Variants in GNA12 observed in about 807,000 individuals in gnomAD.
GNA12 encodes G protein subunit alpha 12.
In GNA12, 9 loss-of-function variants were observed where a neutral mutation model predicts 26.0. That is an observed-to-expected ratio of 0.35 (90% confidence interval 0.21 to 0.60). The LOEUF is 0.60. GNA12 is among the 20% of genes least tolerant of loss of function. GNA12 has a pLI of 0.78. For missense variants in GNA12, 405 were observed against 525.8 expected (o/e 0.77, Z 2.25); for synonymous variants, 264 against 219.6 (o/e 1.20, Z -1.79).
At chr7:2,737,392 A>C (rs1220884883) in intron 2 of GNA12, among the ~76,000 whole-genome samples, 1 of 145,892 alleles carries the variant, frequency 6.9e-6, no homozygotes. Context: ...GGGTTCAAGC[A>C]ATTCTCCTGC....
At chr7:2,750,148 G>C (rs534951982) in intron 2 of GNA12, among the ~76,000 whole-genome samples, 1 of 152,252 alleles carries the variant, frequency 6.6e-6, no homozygotes, top group Non-Finnish European at 1.5e-5. Context: ...AGACTCTCCG[G>C]TCTGACATGT....
At chr7:2,761,319 T>C (rs1791543644) in intron 2 of GNA12, among the ~76,000 whole-genome samples, 2 of 152,204 alleles carry the variant, frequency 1.3e-5, no homozygotes, top group Non-Finnish European at 2.9e-5. Context: ...CACAGAGCCG[T>C]CTGCTGGCTA....
chr7:2,814,680 A>C (rs1339579265), intron 1 of GNA12, among the ~76,000 whole-genome samples: 2 of 142,604 alleles, frequency 1.4e-5, no homozygotes, highest in African/African-American at 5.3e-5. Context: ...AGCTGGAAGG[A>C]GCTCTAAAAG....
chr7:2,829,736 G>A (rs886331322), intron 1 of GNA12, among the ~76,000 whole-genome samples: 7 of 152,036 alleles, frequency 4.6e-5, no homozygotes, highest in Non-Finnish European at 8.8e-5. Flanking sequence ...CTTTAGGGAC[G>A]GTGTTTCGGA....
chr7:2,809,980 G>A (rs1192222593), intron 1 of GNA12, among the ~76,000 whole-genome samples: 1 of 152,114 alleles, frequency 6.6e-6, no homozygotes, highest in East Asian at 1.9e-4. Flanking sequence ...TCTGAATTCG[G>A]AACAGTCTTC....
chr7:2,740,860 TG>T (rs764169537), intron 2 of GNA12, among the ~76,000 whole-genome samples: 47 of 152,278 alleles, frequency 3.1e-4, no homozygotes, highest in Middle Eastern at 3.4e-3. Context: ...CTGACTAGCA[TG>T]GTGAAACCCT....
Position 2,790,848 on chromosome 7 carries a change from C to G in GNA12, c.525+4080G>C, listed in dbSNP as rs547874558. On this transcript the variant is annotated intron_variant, in intron 2 of 3. Coordinates refer to ENST00000275364, the MANE Select transcript of GNA12 (RefSeq NM_007353.3). Reference sequence around the variant, plus strand: ...AATTAGCCAGGTGTGGTGGCACATGCCTGTGATCCCAACTACTCAGTAGGC... The same window carrying G: ...AATTAGCCAGGTGTGGTGGCACATGGCTGTGATCCCAACTACTCAGTAGGC... Among the ~76,000 whole-genome samples the G allele has an allele frequency of 5.1e-4, 77 of 152,186 alleles. 1 individual carries two copies. The highest frequency in any genetic ancestry group is 1.8e-3 in the African/African-American group (74 of 41,542).
chr7:2,773,832 A>T (rs970372756), intron 2 of GNA12, among the ~76,000 whole-genome samples: 13 of 152,170 alleles, frequency 8.5e-5, no homozygotes, highest in African/African-American at 3.1e-4. Flanking sequence ...CTACAGTAAC[A>T]TTTTTGTAAT....
intron 1 of GNA12, among the ~76,000 whole-genome samples, chr7:2,831,693 G>A (rs552885101): frequency 6.6e-6 from 1 of 152,038 alleles, no homozygotes; most frequent in East Asian, 1.9e-4. Flanking sequence ...ATGAACCACC[G>A]CGCCCCGCCT....
At position 2,733,478 on chromosome 7, in the gene GNA12, C is replaced by G; in HGVS notation, c.549G>C (p.Leu183=). ...GCTGGCCGATCCGGTCCAAGTTGTC[C>G]AGGAAGTACTTCACCGACTCCCCCT... The part of the protein sequence containing the change: ...FQLGESVKYF[L]DNLDRIGQLN... Residue 183 remains leucine (L), a synonymous_variant, in exon 3 of 4, where the codon CTG becomes CTC. Coordinates refer to ENST00000275364, the MANE Select transcript of GNA12 (RefSeq NM_007353.3). 1 of 1,613,896 alleles carries G rather than the reference C, an allele frequency of 6.2e-7. No homozygotes were observed.
chr7:2,757,989 A>T (rs142232713), intron 2 of GNA12, among the ~76,000 whole-genome samples: 3 of 152,206 alleles, frequency 2.0e-5, no homozygotes, highest in African/African-American at 7.2e-5. Flanking sequence ...CTGCCTGGTT[A>T]ACACAGAACA....
intron 1 of GNA12, among the ~76,000 whole-genome samples, chr7:2,825,781 C>A (rs1793471384): frequency 6.6e-6 from 1 of 152,106 alleles, no homozygotes; most frequent in South Asian, 2.1e-4. Flanking sequence ...TGTGGTGGGG[C>A]CGCAGACACA....
chr7:2,732,280 G>A (rs370975384), intron 3 of GNA12, among the ~76,000 whole-genome samples: 19 of 152,082 alleles, frequency 1.2e-4, no homozygotes, highest in Admixed American at 2.0e-4. Context: ...GGCCAGGCAC[G>A]GTGGCTCACA....
intron 2 of GNA12, among the ~76,000 whole-genome samples, chr7:2,767,318 A>G (rs1791832546): frequency 6.6e-6 from 1 of 152,158 alleles, no homozygotes; most frequent in South Asian, 2.1e-4. Flanking sequence ...TGCTAAATCC[A>G]GTATCTTGAA....
intron 2 of GNA12, among the ~76,000 whole-genome samples, chr7:2,772,079 G>C (rs886184135): frequency 6.6e-6 from 1 of 152,168 alleles, no homozygotes; most frequent in Non-Finnish European, 1.5e-5. Flanking sequence ...TCTCTTCTTT[G>C]TTCAAATCTT....
chr7:2,821,535 G>C (rs763186155), intron 1 of GNA12, among the ~76,000 whole-genome samples: 1 of 152,198 alleles, frequency 6.6e-6, no homozygotes, highest in Non-Finnish European at 1.5e-5. Context: ...ATAAGGAAGC[G>C]AGGCTTGCAA....
chr7:2,779,253 C>T (rs555067940), intron 2 of GNA12, among the ~76,000 whole-genome samples: 2 of 152,168 alleles, frequency 1.3e-5, no homozygotes, highest in Non-Finnish European at 2.9e-5. Context: ...AGGAGGCTGA[C>T]GTGAGGAATG....
intron 2 of GNA12, among the ~76,000 whole-genome samples, chr7:2,766,340 T>C (rs1425869018): frequency 6.6e-6 from 1 of 151,952 alleles, no homozygotes; most frequent in Non-Finnish European, 1.5e-5. Context: ...ATGTACTACA[T>C]GCTGTTTACC....
intron 1 of GNA12, among the ~76,000 whole-genome samples, chr7:2,796,712 A>G (rs967743809): frequency 6.6e-6 from 1 of 152,118 alleles, no homozygotes; most frequent in Admixed American, 6.5e-5. Context: ...TTGTTTCCTC[A>G]TTGTTAAAGA....
Sources: allele counts gnomAD v4.1 joint callset (sites outside exome capture counted in the v4.1 genomes callset), GRCh38; gene constraint gnomAD v4.1.1; transcripts MANE v1.5; gene names NCBI Gene and HGNC (gene_info 2026-07-23, HGNC 2026-07-21).